The following ADAM22 variants were observed in gnomAD, a reference collection of about 807,000 sequenced individuals.
The protein encoded by ADAM22 is ADAM metallopeptidase domain 22.
In ADAM22, 65 loss-of-function variants were observed where a neutral mutation model predicts 144.6. The observed-to-expected ratio is 0.45, with a 90% CI of 0.37 to 0.55. The LOEUF (loss-of-function observed/expected upper bound fraction) is 0.55. Among genes scored for constraint, ADAM22 ranks in the 20% least tolerant of loss-of-function variants. The probability of loss-of-function intolerance (pLI) is 0.00; values close to 1 mark genes in which losing one functional copy is unlikely to be tolerated. For synonymous variants in ADAM22, 391 were observed against 412.6 expected (o/e 0.95, Z 0.63); for missense variants, 974 against 1,184.9 (o/e 0.82, Z 2.61).
At chr7:87,971,368 A>G (rs980645206) in intron 2 of ADAM22, among the ~76,000 whole-genome samples, 1 of 152,156 alleles carries the variant, frequency 6.6e-6, no homozygotes, top group African/African-American at 2.4e-5. Flanking sequence ...AAAAAGGCCT[A>G]CCAGGAGGTG....
intron 21 of ADAM22, among the ~76,000 whole-genome samples, chr7:88,154,912 C>T (rs1839505010): frequency 6.6e-6 from 1 of 151,944 alleles, no homozygotes; most frequent in Non-Finnish European, 1.5e-5. Flanking sequence ...ATCTTGCTGA[C>T]TTACTAATTA....
intron 3 of ADAM22, among the ~76,000 whole-genome samples, chr7:87,995,602 A>G (rs1022589612): frequency 4.6e-5 from 7 of 152,186 alleles, no homozygotes; most frequent in Non-Finnish European, 7.3e-5. Context: ...TGCACATTCA[A>G]GGTTCTCACC....
chr7:88,012,824 G>A (rs866094778), intron 3 of ADAM22, among the ~76,000 whole-genome samples: 1 of 152,236 alleles, frequency 6.6e-6, no homozygotes, highest in African/African-American at 2.4e-5. Context: ...TAGAAGGCTA[G>A]AGGAGTCTGT....
At chr7:88,186,791 C>A in intron 30 of ADAM22, 90 bp downstream of exon 30, 1 of 804,448 alleles carries the variant, frequency 1.2e-6, no homozygotes, top group Non-Finnish European at 2.1e-6. Context: ...CTTGTATCTC[C>A]CAATACAAGT....
intron 5 of ADAM22, among the ~76,000 whole-genome samples, chr7:88,113,066 G>C (rs1020655292): frequency 4.7e-5 from 7 of 147,926 alleles, no homozygotes; most frequent in Non-Finnish European, 3.0e-5. Flanking sequence ...TCTGCTTCCT[G>C]CTTCCCTAGG....
intron 4 of ADAM22, among the ~76,000 whole-genome samples, chr7:88,098,074 G>A (rs533861003): frequency 6.6e-6 from 1 of 152,084 alleles, no homozygotes; most frequent in African/African-American, 2.4e-5. Context: ...TCTGATATTT[G>A]TTATATTAGT....
At chr7:87,976,518 C>T (rs1458333300) in intron 2 of ADAM22, among the ~76,000 whole-genome samples, 6 of 152,182 alleles carry the variant, frequency 3.9e-5, no homozygotes, top group Admixed American at 6.5e-5. Flanking sequence ...GGACTTCCAG[C>T]CTCCAGAACT....
chr7:88,075,446 TACTG>T (rs1472133643), intron 3 of ADAM22, among the ~76,000 whole-genome samples, 176 bp from the exon 4 acceptor site: 2 of 148,772 alleles, frequency 1.3e-5, no homozygotes, highest in South Asian at 2.2e-4. Context: ...CTTTTAGAAA[TACTG>T]GGTGTGTGTG....
chr7:87,997,030 T>C (rs2129454050), intron 3 of ADAM22, among the ~76,000 whole-genome samples: 1 of 152,336 alleles, frequency 6.6e-6, no homozygotes, highest in East Asian at 1.9e-4. Context: ...AGGGTTGCCA[T>C]GAGGTCACCT....
chr7:88,035,493 T>G (rs1054845585), intron 3 of ADAM22, among the ~76,000 whole-genome samples: 4 of 152,216 alleles, frequency 2.6e-5, no homozygotes, highest in African/African-American at 9.6e-5. Context: ...CAATGTATTA[T>G]GTATACAGTT....
chr7:88,098,519 T>A (rs1001252995), intron 4 of ADAM22, among the ~76,000 whole-genome samples: 27 of 152,246 alleles, frequency 1.8e-4, no homozygotes, highest in Non-Finnish European at 3.1e-4. Context: ...TAAGAGGAAG[T>A]CATGCTAGAT....
chr7:88,152,257 G>GTT lies in ADAM22; in HGVS notation c.1681+944_1681+945dup, dbSNP rs774781418. Among the ~76,000 whole-genome samples the GTT allele has an allele frequency of 3.9e-5, 6 of 152,006 alleles. No homozygotes were observed. In the East Asian group the frequency reaches 9.7e-4, roughly 25 times the overall value. On this transcript the variant is annotated intron_variant, in intron 20 of 31. Coordinates refer to ENST00000413139, the MANE Select transcript of ADAM22 (RefSeq NM_001324418.2). ...AAACATAACTACCGACATAACTATTGTTTTTTTTAAAAATATACCAACAAT... is the reference window on the plus strand; with the variant it reads ...AAACATAACTACCGACATAACTATTGTTTTTTTTTTAAAAATATACCAACAAT...
chr7:87,934,348 C>A lies in ADAM22; in HGVS notation c.-118C>A. The stretch of plus-strand genomic sequence containing the variant: ...AGCGCCACGGCCGCCGCAGCACCGG[C>A]CGGGGCTGGGTGGAGGTGGCCGCGG... On this transcript the variant is annotated 5_prime_UTR_variant, in exon 1 of 32. Transcript: ENST00000413139. 2 of 906,976 alleles carry A rather than the reference C, an allele frequency of 2.2e-6. No homozygotes were observed. Among genetic ancestry groups the A allele is most frequent in the Non-Finnish European group, 3.2e-6 (2 of 620,958 alleles). The allele number at this position is 906,976 out of a possible 1,614,324, so 56.2% of individuals were successfully genotyped here.
rs758701498 is a variant in ADAM22, at chr7:88,196,602, C to G, written c.*111C>G. On this transcript the variant is annotated 3_prime_UTR_variant, in exon 32 of 32. Coordinates refer to ENST00000413139, the MANE Select transcript of ADAM22 (RefSeq NM_001324418.2). ...TCTGCTCTTCAGACAATACGAAGAC[C>G]CTCTGAGATGCTACAGAGGAGAGGA... The G allele has an allele frequency of 1.7e-6, 2 of 1,198,416 alleles. No individual in the cohort carries two copies. Among genetic ancestry groups the G allele is most frequent in the Non-Finnish European group, 1.2e-6 (1 of 811,264 alleles). 74.2% of individuals were successfully genotyped at this position (1,198,416 alleles called of 1,614,324 possible).
intron 4 of ADAM22, among the ~76,000 whole-genome samples, chr7:88,078,009 A>G (rs2129482173): frequency 6.6e-6 from 1 of 152,342 alleles, no homozygotes; most frequent in African/African-American, 2.4e-5. Context: ...TTCTCCTAGC[A>G]CGCAGCTTAA....
At position 88,042,833 on chromosome 7, in the gene ADAM22, T is replaced by C. The variant is rs558757410; in HGVS notation, c.324-32793T>C. ...GTGACTTAATGTGCTTCTAACCTAATCTCAAGGTGTCCTGATTGTCTTGTT... is the reference window on the plus strand; with the variant it reads ...GTGACTTAATGTGCTTCTAACCTAACCTCAAGGTGTCCTGATTGTCTTGTT... On this transcript the variant is annotated intron_variant, in intron 3 of 31. Transcript: ENST00000413139. 2.6e-5 allele frequency among the ~76,000 whole-genome samples: 4 copies of C among 151,642 alleles called. 1 individual carries two copies. Among genetic ancestry groups the C allele is most frequent in the African/African-American group, 9.7e-5 (4 of 41,386 alleles).
At chr7:88,052,447 C>T (rs578049369) in intron 3 of ADAM22, among the ~76,000 whole-genome samples, 3 of 151,174 alleles carry the variant, frequency 2.0e-5, no homozygotes, top group African/African-American at 4.9e-5. Context: ...TTGCAGTCAG[C>T]GGAGATCACG....
intron 3 of ADAM22, among the ~76,000 whole-genome samples, chr7:88,056,138 T>C (rs1215345169): frequency 6.6e-6 from 1 of 152,236 alleles, no homozygotes; most frequent in Non-Finnish European, 1.5e-5. Context: ...TATTAACTCA[T>C]AGTTTTGGAC....
At chr7:87,966,735 T>TTTTTTG (rs1849197705) in intron 2 of ADAM22, among the ~76,000 whole-genome samples, 1 of 135,796 alleles carries the variant, frequency 7.4e-6, no homozygotes, top group African/African-American at 2.9e-5. Context: ...TTTTTTTTTT[T>TTTTTTG]TTTTTTTTTT....
Sources: allele counts gnomAD v4.1 joint callset (sites outside exome capture counted in the v4.1 genomes callset), GRCh38; gene constraint gnomAD v4.1.1; transcripts MANE v1.5; gene names NCBI Gene and HGNC (gene_info 2026-07-23, HGNC 2026-07-21).